Variants in MYOM2 observed in about 807,000 individuals in gnomAD.
MYOM2 encodes myomesin 2, also known as myomesin-2.
A neutral mutation model predicts 187.6 loss-of-function variants in MYOM2; 254 were observed. The observed-to-expected ratio is 1.35, with a 90% CI of 1.22 to 1.50. The LOEUF (loss-of-function observed/expected upper bound fraction) is 1.50, where lower values mean the gene tolerates loss of function less well. Among genes scored for constraint, MYOM2 ranks in the 40% most tolerant of loss-of-function variants. The probability of loss-of-function intolerance (pLI) is 0.00; values close to 1 mark genes in which losing one functional copy is unlikely to be tolerated. For missense variants in MYOM2, 2,796 were observed against 1,924.0 expected, an observed-to-expected ratio of 1.45 and a Z score of -8.48; for synonymous variants, 981 against 753.8, an observed-to-expected ratio of 1.30 and a Z score of -4.94.
intron 1 of MYOM2, among the ~76,000 whole-genome samples, chr8:2,050,153 G>C (rs1023248049): frequency 6.6e-6 from 1 of 152,030 alleles, no homozygotes; most frequent in Non-Finnish European, 1.5e-5. Flanking sequence ...GTGATTTCTG[G>C]TCACACCCAC....
rs1410154774 is a variant in MYOM2, at chr8:2,102,624, T to C, written c.2620-43T>C. On this transcript the variant is annotated intron_variant, in intron 20 of 36. Transcript: ENST00000262113. ...ATGTGAAAAACTCCACAGTCATCTT[T>C]ATTTTACCTCCACACATCTGGTGTT... is the stretch of plus-strand genomic sequence containing the variant. 2.1e-6 allele frequency: 3 copies of C among 1,404,792 alleles called. No individual in the cohort carries two copies. In the African/African-American group the frequency reaches 4.3e-5, roughly 20 times the overall value. 87.0% of individuals were successfully genotyped at this position (1,404,792 alleles called of 1,614,324 possible).
At chr8:2,121,994 T>C (rs1797475493) in intron 28 of MYOM2, among the ~76,000 whole-genome samples, 2 of 152,202 alleles carry the variant, frequency 1.3e-5, no homozygotes, top group African/African-American at 4.8e-5. Context: ...CCCCCAATTA[T>C]AGGACAAATA....
intron 11 of MYOM2, among the ~76,000 whole-genome samples, chr8:2,077,233 C>T (rs917982527): frequency 6.6e-6 from 1 of 151,880 alleles, no homozygotes; most frequent in Non-Finnish European, 1.5e-5. Context: ...TCTCTTGAAC[C>T]AGGGAGGCGG....
At chr8:2,102,337 A>G (rs752946358) in intron 20 of MYOM2, 41 of 232,130 alleles carry the variant, frequency 1.8e-4, no homozygotes, top group Non-Finnish European at 2.9e-4. Flanking sequence ...CACACTTAAA[A>G]TAGTATTTGG....
chr8:2,140,846 C>A lies in MYOM2; in HGVS notation c.3924C>A (p.Gly1308=), dbSNP rs749549014. 4.3e-6 allele frequency: 7 copies of A among 1,613,960 alleles called. No individual in the cohort carries two copies. In the East Asian group the frequency reaches 1.6e-4, roughly 36 times the overall value. ...KGKYTFEIFD[G]KDNHQRSLDL... Reference sequence around the variant, plus strand: ...AATACACTTTTGAGATTTTCGATGGCAAAGACAACCATCAACGCTCCCTTG... The same window carrying A: ...AATACACTTTTGAGATTTTCGATGGAAAAGACAACCATCAACGCTCCCTTG... The change falls in exon 33 of 37, where the codon GGC becomes GGA. Residue 1308 remains glycine, a synonymous_variant. Transcript: ENST00000262113.
chr8:2,093,880 T>A, intron 16 of MYOM2, 90 bp from the exon 17 acceptor site: 1 of 1,517,896 alleles, frequency 6.6e-7, no homozygotes, highest in Non-Finnish European at 8.9e-7. Context: ...TAAAAATTTT[T>A]TATGGCGCGT....
intron 32 of MYOM2, among the ~76,000 whole-genome samples, chr8:2,130,665 C>T (rs990011812): frequency 2.0e-5 from 3 of 152,178 alleles, no homozygotes; most frequent in Non-Finnish European, 2.9e-5. Flanking sequence ...GAATCTCTCA[C>T]GTCTTTAATT....
intron 1 of MYOM2, among the ~76,000 whole-genome samples, chr8:2,047,790 C>T (rs1254396898): frequency 6.6e-6 from 1 of 152,214 alleles, no homozygotes; most frequent in African/African-American, 2.4e-5. Context: ...GAAGTGTGCA[C>T]ACGTGATCCC....
intron 32 of MYOM2, among the ~76,000 whole-genome samples, chr8:2,136,297 G>T (rs889414091): frequency 6.6e-6 from 1 of 152,186 alleles, no homozygotes; most frequent in African/African-American, 2.4e-5. Context: ...AGGGCATCTT[G>T]CATGCATGCA....
chr8:2,103,523 T>C (rs1439886106), intron 21 of MYOM2, among the ~76,000 whole-genome samples: 1 of 151,154 alleles, frequency 6.6e-6, no homozygotes, highest in Non-Finnish European at 1.5e-5. Context: ...TGTGCATGTA[T>C]TCTGTGTATA....
rs761223880 is a variant in MYOM2 at position 2,085,236 on chromosome 8, C to T, written c.1517-27C>T. ...AGCGAGGCTGATGGGGGTCCTTCAG[C>T]ACTCACCGAATTTATTATTCCTCCA... is the stretch of plus-strand genomic sequence containing the variant. On this transcript the variant is annotated intron_variant, in intron 13 of 36. Coordinates refer to ENST00000262113, the MANE Select transcript of MYOM2 (RefSeq NM_003970.4). 6.8e-6 allele frequency: 11 copies of T among 1,611,468 alleles called. No homozygotes were observed. The African/African-American group carries it at 1.2e-4, about 18-fold the overall frequency.
At chr8:2,053,190 T>C (rs1385113382) in intron 3 of MYOM2, among the ~76,000 whole-genome samples, 1 of 152,244 alleles carries the variant, frequency 6.6e-6, no homozygotes, top group African/African-American at 2.4e-5. Flanking sequence ...TTCAGAAAGA[T>C]GAAGTCATCT....
At chr8:2,134,859 T>C (rs1469664484) in intron 32 of MYOM2, among the ~76,000 whole-genome samples, 3 of 152,058 alleles carry the variant, frequency 2.0e-5, no homozygotes, top group Non-Finnish European at 4.4e-5. Flanking sequence ...TTCTGCCCCA[T>C]TGCTACAATC....
intron 23 of MYOM2, among the ~76,000 whole-genome samples, chr8:2,106,830 C>T (rs1284287290): frequency 1.3e-5 from 2 of 152,110 alleles, no homozygotes; most frequent in Admixed American, 1.3e-4. Flanking sequence ...GTATAGCCTT[C>T]AATTTGTACT....
At chr8:2,132,708 A>G (rs116416533) in intron 32 of MYOM2, among the ~76,000 whole-genome samples, 20,644 of 151,946 alleles carry the variant, frequency 0.14, 2,427 homozygotes, top group African/African-American at 0.3. Flanking sequence ...TGCCTTGGCC[A>G]CCTCACATGC....
At chr8:2,120,680 T>TATATATATATATCATA in intron 28 of MYOM2, among the ~76,000 whole-genome samples, 1 of 48,300 alleles carries the variant, frequency 2.1e-5, no homozygotes, top group Non-Finnish European at 4.1e-5. Flanking sequence ...ATATATTATA[T>TATATATATATATCATA]TATATATAAA....
In MYOM2 at chr8:2,129,131, A is replaced by T. The variant is rs753013712; in HGVS notation, c.3699A>T (p.Lys1233Asn). 3.1e-6 allele frequency: 5 copies of T among 1,601,352 alleles called. No individual in the cohort carries two copies. Among genetic ancestry groups the T allele is most frequent in the East Asian group, 4.5e-5 (2 of 44,580 alleles). ...MILAMSRVCGKSASPLKVLCT... is the reference protein window; with the variant it reads ...MILAMSRVCGNSASPLKVLCT... ...AGGATGTTTTATTTTCTGCAGGGAA[A>T]TCTGCTTCGCCACTGAAGGTACTCT... Residue 1233 changes from lysine (K) to asparagine (N), a missense_variant, in exon 32 of 37, where the codon AAA (lysine) becomes AAT (asparagine). Physicochemically the swap from Lys to Asn is moderately conservative, Grantham distance 94. Coordinates refer to ENST00000262113, the MANE Select transcript of MYOM2 (RefSeq NM_003970.4).
chr8:2,120,689 A>ATATATATATAAATCTATATTTATAATAT, intron 28 of MYOM2, among the ~76,000 whole-genome samples: 1 of 42,416 alleles, frequency 2.4e-5, no homozygotes, highest in Non-Finnish European at 4.7e-5. Context: ...ATTATATATA[A>ATATATATATAAATCTATATTTATAATAT]ATATATAATA....
chr8:2,052,382 A>C, intron 3 of MYOM2, 69 bp downstream of exon 3: 1 of 1,471,702 alleles, frequency 6.8e-7, no homozygotes, highest in Non-Finnish European at 9.0e-7. Flanking sequence ...CAGTGGGGTG[A>C]GGAGGGAAGA....
Sources: gnomAD v4.1 joint callset for allele counts (sites outside exome capture counted in the v4.1 genomes callset) on GRCh38, gnomAD v4.1.1 for gene constraint, MANE v1.5 for transcripts, NCBI Gene and HGNC (gene_info 2026-07-23, HGNC 2026-07-21) for gene names.